MLXIP: variants seen among roughly 807,000 people sequenced by gnomAD.
MLXIP encodes MLX-interacting protein.
A neutral mutation model predicts 87.2 loss-of-function variants in MLXIP; 30 were observed. That is an observed-to-expected ratio of 0.34 (90% confidence interval 0.26 to 0.47). The LOEUF is 0.47. MLXIP is among the 20% of genes least tolerant of loss of function. The probability of loss-of-function intolerance (pLI) is 1.00; values close to 1 mark genes in which losing one functional copy is unlikely to be tolerated. For missense variants in MLXIP, 1,002 were observed against 1,240.1 expected, an observed-to-expected ratio of 0.81 and a Z score of 2.88; for synonymous variants, 530 against 514.0, an observed-to-expected ratio of 1.03 and a Z score of -0.42.
intron 1 of MLXIP, among the ~76,000 whole-genome samples, chr12:122,113,239 C>A (rs1274034555): frequency 6.6e-6 from 1 of 151,992 alleles, no homozygotes; most frequent in Admixed American, 6.6e-5. Context: ...TTATGTTATT[C>A]ATATATATAT....
intron 1 of MLXIP, among the ~76,000 whole-genome samples, chr12:122,083,999 G>A (rs943473526): frequency 2.6e-5 from 4 of 152,182 alleles, no homozygotes; most frequent in Admixed American, 1.3e-4. Flanking sequence ...GGTGGGAGCC[G>A]GGGCTGCAGA....
chr12:122,135,550 G>A lies in MLXIP; in HGVS notation c.1916G>A (p.Ser639Asn). Residue 639 changes from serine (S) to asparagine (N), a missense_variant, in exon 11 of 17, where the codon AGC (serine) becomes AAC (asparagine). Ser to Asn is a conservative substitution (Grantham distance 46). Coordinates refer to ENST00000319080, the MANE Select transcript of MLXIP (RefSeq NM_014938.6). This position sits in a 1 kb window ranked among gnomAD's most constrained non-coding sequence, Gnocchi z 5.3. ...GTGACAGATCTCGGCCATGGCACGA[G>A]CAGCCCGCCTGCCCCCGTCTCCCGG... ...ILVTDLGHGT[S>N]SPPAPVSRLF... 1 of 1,604,910 alleles carries A rather than the reference G, an allele frequency of 6.2e-7. No homozygotes were observed. Among genetic ancestry groups the A allele is most frequent in the African/African-American group, 1.3e-5 (1 of 74,478 alleles).
At chr12:122,087,074 C>T (rs1374538670) in intron 1 of MLXIP, among the ~76,000 whole-genome samples, 2 of 152,126 alleles carry the variant, frequency 1.3e-5, no homozygotes, top group African/African-American at 2.4e-5. Flanking sequence ...ACACTCTTGG[C>T]GGTTGTCTAA....
rs1329638597 is a variant in MLXIP at position 122,135,781 on chromosome 12, A to T, written c.2032+115A>T. 2 of 1,251,700 alleles carry T rather than the reference A, an allele frequency of 1.6e-6. No individual in the cohort carries two copies. The highest frequency in any genetic ancestry group is 5.4e-5 in the East Asian group (2 of 37,266). The allele number at this position is 1,251,700 out of a possible 1,614,324, so 77.5% of individuals were successfully genotyped here. A position where few individuals can be genotyped will look rare whatever the true frequency, so the allele number is the denominator to read the frequency against. On this transcript the variant is annotated intron_variant, in intron 11 of 16. Transcript: ENST00000319080. The surrounding 1 kb of genome is among the most constrained non-coding windows in gnomAD (Gnocchi z 5.3). The stretch of plus-strand genomic sequence containing the variant: ...AGGACGGAGCCTGGGCTTAGGACAC[A>T]CAGTGAGGTCTTGTAGGCCTGCTGA...
In MLXIP at chr12:122,078,885, G is replaced by C; in HGVS notation, c.32G>C (p.Arg11Pro). 8.8e-7 allele frequency: 1 copy of C among 1,133,390 alleles called. No homozygotes were observed. 70.2% of individuals were successfully genotyped at this position (1,133,390 alleles called of 1,614,324 possible). A position where few individuals can be genotyped will look rare whatever the true frequency, so the allele number is the denominator to read the frequency against. Residue 11 changes from arginine (R) to proline (P), a missense_variant, in exon 1 of 17, where the codon CGC (arginine) becomes CCC (proline). Transcript: ENST00000319080. ...GCCGACGTCTTCATGTGCTCCCCGCGCCGGCCTCGCAGCCGGGGCCGCCAG... is the reference window on the plus strand; with the variant it reads ...GCCGACGTCTTCATGTGCTCCCCGCCCCGGCCTCGCAGCCGGGGCCGCCAG... Reference protein sequence around the residue: MAADVFMCSPRRPRSRGRQVL... With the variant: MAADVFMCSPPRPRSRGRQVL...
intron 1 of MLXIP, among the ~76,000 whole-genome samples, chr12:122,110,296 T>A (rs2135940570): frequency 6.6e-6 from 1 of 152,036 alleles, no homozygotes; most frequent in Non-Finnish European, 1.5e-5. Flanking sequence ...TCTCTTTTTT[T>A]TATTTTTTGA....
chr12:122,092,905 G>A (rs1203122549), intron 1 of MLXIP, among the ~76,000 whole-genome samples: 9 of 150,236 alleles, frequency 6.0e-5, no homozygotes, highest in Non-Finnish European at 1.2e-4. Flanking sequence ...CAGTGTGTGT[G>A]TTGTTGTGTG....
chr12:122,108,225 A>G (rs1952551124), intron 1 of MLXIP, among the ~76,000 whole-genome samples: 1 of 152,012 alleles, frequency 6.6e-6, no homozygotes, highest in Non-Finnish European at 1.5e-5. Flanking sequence ...AAAATTAGCC[A>G]GGTATGGTGG....
At chr12:122,084,895 T>G (rs1056069634) in intron 1 of MLXIP, among the ~76,000 whole-genome samples, 1 of 152,028 alleles carries the variant, frequency 6.6e-6, no homozygotes, top group African/African-American at 2.4e-5. Context: ...GTCAGGTAGG[T>G]GGTGGTGGAA....
chr12:122,090,265 G>A (rs1027901765), intron 1 of MLXIP, among the ~76,000 whole-genome samples: 9 of 152,300 alleles, frequency 5.9e-5, no homozygotes, highest in African/African-American at 2.2e-4. Context: ...CGAGGCCGAG[G>A]CAGGCAGATC....
In MLXIP at chr12:122,129,126, C is replaced by T; in HGVS notation, c.607-11C>T. ...GCCCCCTCTTCACTCTGCTCTCTGT[C>T]CCTGTCCTAGGCCATCACCACGGAA... On this transcript the variant is annotated splice_polypyrimidine_tract_variant and intron_variant, in intron 3 of 16. Transcript: ENST00000319080. 1 of 1,600,930 alleles carries T rather than the reference C, an allele frequency of 6.2e-7. No homozygotes were observed. Among genetic ancestry groups the T allele is most frequent in the Non-Finnish European group, 8.5e-7 (1 of 1,173,462 alleles).
At chr12:122,093,980 G>A (rs1250551853) in intron 1 of MLXIP, among the ~76,000 whole-genome samples, 62,870 of 134,662 alleles carry the variant, frequency 0.47, 14,760 homozygotes, top group Admixed American at 0.55. Flanking sequence ...TGTGTGGTGT[G>A]TGTGTGTTTG....
chr12:122,084,949 C>T (rs1952144269), intron 1 of MLXIP, among the ~76,000 whole-genome samples: 1 of 152,100 alleles, frequency 6.6e-6, no homozygotes, highest in African/African-American at 2.4e-5. Context: ...AATAAAAAAC[C>T]AAAGCTCAGA....
At chr12:122,082,914 A>G (rs1952112214) in intron 1 of MLXIP, among the ~76,000 whole-genome samples, 1 of 152,212 alleles carries the variant, frequency 6.6e-6, no homozygotes, top group Non-Finnish European at 1.5e-5. Flanking sequence ...TTGACCTCCC[A>G]GGCTCAAGCA....
In MLXIP at chr12:122,126,151, G is replaced by A. The variant is rs574196774; in HGVS notation, c.414-1105G>A. ...TGCGGGCTGCCCAGAGATGGCTCCC[G>A]GCCTAGCACTTGGAAAACTGAGCTG... On this transcript the variant is annotated intron_variant, in intron 1 of 16. Transcript: ENST00000319080. Among the ~76,000 whole-genome samples, 52 of 152,326 alleles carry A rather than the reference G, an allele frequency of 3.4e-4. No homozygotes were observed. The South Asian group carries it at 9.5e-3, about 28-fold the overall frequency.
chr12:122,126,143 T>C (rs998616373), intron 1 of MLXIP, among the ~76,000 whole-genome samples: 1 of 152,186 alleles, frequency 6.6e-6, no homozygotes, highest in African/African-American at 2.4e-5. Flanking sequence ...TGCCCAGAGA[T>C]GGCTCCCGGC....
rs766781229 is a variant in MLXIP, at chr12:122,138,480, G to C, written c.2313G>C (p.Gln771His). 8.7e-6 allele frequency: 14 copies of C among 1,613,844 alleles called. No homozygotes were observed. The East Asian group carries it at 3.1e-4, about 36-fold the overall frequency. ...TGGAGTACATCACCAAGCTGCAGCA[G>C]GAGAGAGGCCAGATGCAGGAGGAGG... is the stretch of plus-strand genomic sequence containing the variant. ...KTVEYITKLQ[Q>H]ERGQMQEEAR... Residue 771 changes from glutamine to histidine, a missense_variant, in exon 14 of 17, where the codon CAG becomes CAC. By Grantham distance (24) the Gln-to-His change is conservative (BLOSUM62 0). Coordinates refer to ENST00000319080, the MANE Select transcript of MLXIP (RefSeq NM_014938.6).
chr12:122,084,237 C>T (rs1485881610), intron 1 of MLXIP, among the ~76,000 whole-genome samples: 1 of 150,920 alleles, frequency 6.6e-6, no homozygotes, highest in Non-Finnish European at 1.5e-5. Context: ...TGACATCAGG[C>T]TTCAATGTGT....
intron 1 of MLXIP, among the ~76,000 whole-genome samples, chr12:122,091,795 A>G (rs961121840): frequency 3.9e-5 from 6 of 152,196 alleles, no homozygotes; most frequent in African/African-American, 1.2e-4. Flanking sequence ...GTGGTGAACT[A>G]GAGTGTTTGC....
Sources: gnomAD v4.1 joint callset for allele counts (sites outside exome capture counted in the v4.1 genomes callset) on GRCh38, gnomAD v4.1.1 for gene constraint, Gnocchi (gnomAD v3.1) non-coding constraint, MANE v1.5 for transcripts, NCBI Gene and HGNC (gene_info 2026-07-23, HGNC 2026-07-21) for gene names.